Variants in OPHN1 observed in about 807,000 individuals in gnomAD.
OPHN1 encodes the protein oligophrenin-1.
OPHN1 carries 11 observed loss-of-function variants against 60.7 expected under a neutral mutation model. The observed-to-expected ratio is 0.18, with a 90% CI of 0.11 to 0.30. The LOEUF (loss-of-function observed/expected upper bound fraction) is 0.30, where lower values mean the gene tolerates loss of function less well. OPHN1 is among the 10% of genes least tolerant of loss of function. OPHN1 has a pLI of 1.00. For missense variants in OPHN1, 449 were observed against 611.0 expected, an observed-to-expected ratio of 0.73 and a Z score of 2.80; for synonymous variants, 226 against 222.6, an observed-to-expected ratio of 1.02 and a Z score of -0.14.
rs929022143 is a variant in OPHN1, at chrX:68,302,513, C to T, written c.155-3417G>A. Among the ~76,000 whole-genome samples, 4 of 108,561 alleles carry T rather than the reference C, an allele frequency of 3.7e-5. No homozygotes were observed. The East Asian group carries it at 8.6e-4, about 23-fold the overall frequency. 94.3% of individuals were successfully genotyped at this position (108,561 alleles called of 115,157 possible). A position where few individuals can be genotyped will look rare whatever the true frequency, so the allele number is the denominator to read the frequency against. On this transcript the variant is annotated intron_variant, in intron 2 of 24. Coordinates refer to ENST00000355520, the MANE Select transcript of OPHN1 (RefSeq NM_002547.3). ...CTGAAGCAGGAGAACCACTTGAACC[C>T]GAGAGGCAGAGATTTCAGTGAGCTG...
rs1313532779 is a variant in OPHN1 at position 68,071,782 on chromosome X, G to A, written c.1834+1370C>T. ...GAAAGCGACATTTTGGAAATGGAGA[G>A]AGGTCGATGATTCAGACAGTAAGGG... On this transcript the variant is annotated intron_variant, in intron 20 of 24. Transcript: ENST00000355520. 9.1e-6 allele frequency: 4 copies of A among 437,655 alleles called. No individual in the cohort carries two copies. The East Asian group carries it at 1.6e-4, about 18-fold the overall frequency. The allele number at this position is 437,655 out of a possible 1,213,427, so 36.1% of individuals were successfully genotyped here. A position where few individuals can be genotyped will look rare whatever the true frequency, so the allele number is the denominator to read the frequency against.
At chrX:68,070,751 C>T in intron 20 of OPHN1, 2 of 1,133,598 alleles carry the variant, frequency 1.8e-6, no homozygotes, top group Non-Finnish European at 2.4e-6. Flanking sequence ...ATTCAAATAC[C>T]CCCCACAGGA....
intron 15 of OPHN1, among the ~76,000 whole-genome samples, chrX:68,157,980 G>A (rs1311005050): frequency 2.7e-5 from 3 of 110,808 alleles, no homozygotes; most frequent in Non-Finnish European, 3.8e-5. Context: ...ACGGAGTCTC[G>A]CTCTGTTGCC....
chrX:68,080,181 C>T (rs752298622), intron 19 of OPHN1, among the ~76,000 whole-genome samples: 1 of 112,368 alleles, frequency 8.9e-6, no homozygotes, highest in East Asian at 2.8e-4. Flanking sequence ...ACTCAATAAT[C>T]TGGCCACATC....
At chrX:68,420,004 C>T (rs961664043) in intron 2 of OPHN1, among the ~76,000 whole-genome samples, 2 of 111,580 alleles carry the variant, frequency 1.8e-5, no homozygotes, top group African/African-American at 6.5e-5. Flanking sequence ...TTGGTCTGGA[C>T]TGTCTTCCTC....
chrX:68,252,577 G>A (rs1037380497), intron 5 of OPHN1, among the ~76,000 whole-genome samples: 2 of 111,941 alleles, frequency 1.8e-5, no homozygotes, highest in Admixed American at 1.9e-4. Context: ...TAGAGTTGTC[G>A]AAAGGCTCAA....
intron 2 of OPHN1, among the ~76,000 whole-genome samples, chrX:68,398,998 T>TG (rs2078700032): frequency 9.4e-6 from 1 of 105,863 alleles, no homozygotes; most frequent in African/African-American, 3.4e-5. Flanking sequence ...TGTGTGTGTA[T>TG]AGTAATAATA....
At chrX:68,166,550 AAAG>A (rs2077359227) in intron 15 of OPHN1, among the ~76,000 whole-genome samples, 1 of 112,001 alleles carries the variant, frequency 8.9e-6, no homozygotes, top group Admixed American at 9.5e-5. Context: ...AATTAAAAAT[AAAG>A]AAGAACTAAA....
intron 2 of OPHN1, among the ~76,000 whole-genome samples, chrX:68,431,320 G>A (rs945747465): frequency 3.6e-5 from 4 of 112,295 alleles, no homozygotes; most frequent in Admixed American, 9.5e-5. Flanking sequence ...CCAAAAGTGG[G>A]CAGAGAGCAT....
intron 2 of OPHN1, among the ~76,000 whole-genome samples, chrX:68,363,107 G>A (rs1184060569): frequency 1.8e-5 from 2 of 108,695 alleles, no homozygotes; most frequent in African/African-American, 6.7e-5. Context: ...AATTAGCCAG[G>A]CACGGTGGCG....
chrX:68,260,534 T>C (rs1037554224), intron 5 of OPHN1, among the ~76,000 whole-genome samples: 1 of 111,325 alleles, frequency 9.0e-6, no homozygotes, highest in Admixed American at 9.6e-5. Flanking sequence ...CTAGCTTCTG[T>C]TAATAACTAT....
chrX:68,244,427 G>C (rs1449265672), intron 5 of OPHN1, among the ~76,000 whole-genome samples: 1 of 111,778 alleles, frequency 8.9e-6, no homozygotes, highest in Non-Finnish European at 1.9e-5. Context: ...CCACCCTCTG[G>C]CACACCACTA....
At chrX:68,118,009 T>A (rs957049604) in intron 16 of OPHN1, among the ~76,000 whole-genome samples, 13 of 111,968 alleles carry the variant, frequency 1.2e-4, no homozygotes, top group African/African-American at 4.2e-4. Flanking sequence ...ACTATTCTCA[T>A]CACAACAAGT....
At chrX:68,371,205 TTTTC>T (rs1322268697) in intron 2 of OPHN1, among the ~76,000 whole-genome samples, 3 of 106,598 alleles carry the variant, frequency 2.8e-5, no homozygotes, top group Non-Finnish European at 5.7e-5. Context: ...CTTTCAAGTT[TTTTC>T]TTTTTCTTTC....
chrX:68,180,003 C>T (rs2077429863), intron 15 of OPHN1, among the ~76,000 whole-genome samples: 1 of 111,243 alleles, frequency 9.0e-6, no homozygotes, highest in Non-Finnish European at 1.9e-5. Flanking sequence ...ATTATAGTGG[C>T]AGATACGCTT....
At chrX:68,217,628 C>T in intron 6 of OPHN1, among the ~76,000 whole-genome samples, 1 of 109,864 alleles carries the variant, frequency 9.1e-6, no homozygotes, top group East Asian at 2.9e-4. Flanking sequence ...ACCCCTGACC[C>T]CCAAGCAGCC....
intron 15 of OPHN1, among the ~76,000 whole-genome samples, chrX:68,170,938 TA>T (rs1238658129): frequency 9.1e-6 from 1 of 109,412 alleles, no homozygotes; most frequent in African/African-American, 3.3e-5. Context: ...ATAATAATAA[TA>T]AAATAAAATA....
intron 18 of OPHN1, among the ~76,000 whole-genome samples, chrX:68,106,926 C>T (rs1362930880): frequency 1.8e-5 from 2 of 111,861 alleles, no homozygotes; most frequent in African/African-American, 6.5e-5. Context: ...TTCAAACATA[C>T]AAAACAGTTG....
At chrX:68,104,561 G>A (rs1040902208) in intron 18 of OPHN1, among the ~76,000 whole-genome samples, 3 of 111,782 alleles carry the variant, frequency 2.7e-5, no homozygotes, top group African/African-American at 9.8e-5. Flanking sequence ...ACAAGCAATA[G>A]GGAAAGGATT....
Sources: allele counts gnomAD v4.1 joint callset (sites outside exome capture counted in the v4.1 genomes callset), GRCh38; gene constraint gnomAD v4.1.1; transcripts MANE v1.5; gene names NCBI Gene and HGNC (gene_info 2026-07-23, HGNC 2026-07-21).